The following TBC1D32 variants were observed in gnomAD, a reference collection of about 807,000 sequenced individuals.
TBC1D32 encodes the protein protein broad-minded.
In TBC1D32, 151 loss-of-function variants were observed where a neutral mutation model predicts 170.3. That is an observed-to-expected ratio of 0.89 (90% CI 0.78 to 1.01). TBC1D32 has a LOEUF of 1.01. TBC1D32 is among the 50% of genes least tolerant of loss of function. The probability of loss-of-function intolerance (pLI) is 0.00; values close to 1 mark genes in which losing one functional copy is unlikely to be tolerated. For missense variants in TBC1D32, 1,464 were observed against 1,457.1 expected, an observed-to-expected ratio of 1.00 and a Z score of -0.08; for synonymous variants, 498 against 488.0, an observed-to-expected ratio of 1.02 and a Z score of -0.27.
chr6:121,330,167 G>A (rs1208705702), intron 1 of TBC1D32, among the ~76,000 whole-genome samples: 1 of 152,064 alleles, frequency 6.6e-6, no homozygotes, highest in African/African-American at 2.4e-5. Flanking sequence ...CTGAGTAGCT[G>A]GGACTACAGG....
intron 21 of TBC1D32, among the ~76,000 whole-genome samples, chr6:121,215,253 A>G (rs921238846): frequency 3.9e-5 from 6 of 152,202 alleles, no homozygotes; most frequent in Non-Finnish European, 7.3e-5. Context: ...CTCGGCCCTC[A>G]TACTTCAGGC....
chr6:121,285,486 C>G (rs1017930539), intron 12 of TBC1D32, among the ~76,000 whole-genome samples: 4 of 152,126 alleles, frequency 2.6e-5, no homozygotes. Context: ...CTCTACCTAG[C>G]ACATGCCAAA....
Position 121,292,197 on chromosome 6 carries a change from A to C in TBC1D32, c.1232-4T>G. On this transcript the variant is annotated splice_region_variant and splice_polypyrimidine_tract_variant and intron_variant, in intron 11 of 31. Transcript: ENST00000398212. ...TAGAAAGTTTTCTGCTTGTTTCCTT[A>C]AAAGAGAAGCAAACACGAATATTTA... 6.3e-7 allele frequency: 1 copy of C among 1,581,050 alleles called. No individual in the cohort carries two copies. The highest frequency in any genetic ancestry group is 8.6e-7 in the Non-Finnish European group (1 of 1,162,214).
chr6:121,289,400 A>C (rs1400275693), intron 12 of TBC1D32, among the ~76,000 whole-genome samples: 1 of 152,212 alleles, frequency 6.6e-6, no homozygotes, highest in Non-Finnish European at 1.5e-5. Flanking sequence ...TCCCATTCAC[A>C]ATTGCTTCAA....
At chr6:121,312,946 T>G (rs543597726) in intron 3 of TBC1D32, among the ~76,000 whole-genome samples, 3 of 152,270 alleles carry the variant, frequency 2.0e-5, no homozygotes, top group East Asian at 1.9e-4. Flanking sequence ...CTCCTCTCAC[T>G]GCACTCTGCA....
chr6:121,285,722 A>C (rs545721416), intron 12 of TBC1D32, among the ~76,000 whole-genome samples: 2 of 152,206 alleles, frequency 1.3e-5, no homozygotes, highest in Non-Finnish European at 2.9e-5. Context: ...GAGTAGCCTA[A>C]CTGGGAGGCA....
intron 26 of TBC1D32, among the ~76,000 whole-genome samples, chr6:121,121,073 T>C (rs952228997): frequency 2.6e-5 from 4 of 152,154 alleles, no homozygotes; most frequent in African/African-American, 4.8e-5. Context: ...AAATCTCATA[T>C]TGAAGATACA....
intron 17 of TBC1D32, among the ~76,000 whole-genome samples, chr6:121,246,108 C>T (rs917237765): frequency 6.6e-6 from 1 of 152,058 alleles, no homozygotes; most frequent in African/African-American, 2.4e-5. Flanking sequence ...AAATAAAATA[C>T]TGGAGAAAAA....
intron 11 of TBC1D32, among the ~76,000 whole-genome samples, chr6:121,293,851 C>T (rs565137039): frequency 2.4e-4 from 36 of 152,126 alleles, no homozygotes; most frequent in Non-Finnish European, 4.7e-4. Flanking sequence ...GCAGAGGTTG[C>T]AGTGAGTCCA....
intron 22 of TBC1D32, among the ~76,000 whole-genome samples, chr6:121,198,563 A>G (rs1351969010): frequency 1.3e-5 from 2 of 150,660 alleles, no homozygotes; most frequent in African/African-American, 5.0e-5. Flanking sequence ...CATCCTGGCT[A>G]ACACGGTGAA....
rs889461972 is a variant in TBC1D32 at position 121,271,968 on chromosome 6, T to C, written c.1733+7153A>G. ...AATAATACCACACATCTACAACCAT[T>C]TGATCTTTGAGAAACCTGACAAAAA... is the stretch of plus-strand genomic sequence containing the variant. On this transcript the variant is annotated intron_variant, in intron 15 of 31. Coordinates refer to ENST00000398212, the MANE Select transcript of TBC1D32 (RefSeq NM_152730.6). Among the ~76,000 whole-genome samples the C allele has an allele frequency of 1.1e-3, 164 of 152,098 alleles. 1 individual carries two copies. The highest frequency in any genetic ancestry group is 1.7e-3 in the Admixed American group (26 of 15,264).
chr6:121,284,835 A>G (rs1803551319), intron 12 of TBC1D32, among the ~76,000 whole-genome samples: 3 of 152,164 alleles, frequency 2.0e-5, no homozygotes, highest in Admixed American at 1.3e-4. Context: ...ATACATTAGT[A>G]TATTTCTGTA....
At chr6:121,302,629 T>C (rs1360915322) in intron 9 of TBC1D32, among the ~76,000 whole-genome samples, 1 of 152,152 alleles carries the variant, frequency 6.6e-6, no homozygotes, top group Non-Finnish European at 1.5e-5. Context: ...TATCCCTGTA[T>C]TGTATAATTA....
intron 29 of TBC1D32, among the ~76,000 whole-genome samples, chr6:121,109,957 A>G (rs1779045900): frequency 6.6e-6 from 1 of 152,014 alleles, no homozygotes; most frequent in South Asian, 2.1e-4. Flanking sequence ...ATCCTTACAT[A>G]TTTCTATTAA....
chr6:121,119,717 T>G (rs1427641402), intron 26 of TBC1D32, among the ~76,000 whole-genome samples: 1 of 152,168 alleles, frequency 6.6e-6, no homozygotes, highest in Non-Finnish European at 1.5e-5. Context: ...TGCAGAAGTT[T>G]ATCTGTTTGT....
At chr6:121,333,828 A>T (rs1055117252) in intron 1 of TBC1D32, among the ~76,000 whole-genome samples, 1 of 152,172 alleles carries the variant, frequency 6.6e-6, no homozygotes, top group Non-Finnish European at 1.5e-5. Flanking sequence ...GCACTTTGGG[A>T]GGCCGAGACG....
intron 1 of TBC1D32, among the ~76,000 whole-genome samples, chr6:121,331,051 T>C (rs1396553154): frequency 6.6e-6 from 1 of 152,252 alleles, no homozygotes; most frequent in Non-Finnish European, 1.5e-5. Context: ...GATATGGCTG[T>C]ACTGCCTACA....
intron 22 of TBC1D32, among the ~76,000 whole-genome samples, chr6:121,173,909 A>G (rs920775116): frequency 7.9e-5 from 2 of 25,268 alleles, no homozygotes; most frequent in South Asian, 1.6e-3. Context: ...CAAAGGTGCT[A>G]TAAGAAAAAA....
intron 6 of TBC1D32, 24 bp downstream of exon 6, chr6:121,304,731 T>G: frequency 6.4e-7 from 1 of 1,571,478 alleles, no homozygotes; most frequent in Non-Finnish European, 8.7e-7. Context: ...CAAAAAACAT[T>G]TTTAAATGTT....
Sources: allele counts gnomAD v4.1 joint callset (sites outside exome capture counted in the v4.1 genomes callset), GRCh38; gene constraint gnomAD v4.1.1; transcripts MANE v1.5; gene names NCBI Gene and HGNC (gene_info 2026-07-23, HGNC 2026-07-21).